Variants in LRRC7 observed in about 807,000 individuals in gnomAD.
The protein encoded by LRRC7 is leucine-rich repeat-containing protein 7.
A neutral mutation model predicts 175.7 loss-of-function variants in LRRC7; 23 were observed. The ratio of observed to expected loss-of-function variants is 0.13; its 90% CI spans 0.09 to 0.19. LRRC7 has a LOEUF of 0.19. LRRC7 is among the 10% of genes least tolerant of loss of function. LRRC7 has a pLI of 1.00. For missense variants in LRRC7, 1,354 were observed against 1,904.7 expected (o/e 0.71, Z 5.38); for synonymous variants, 685 against 680.9 (o/e 1.01, Z -0.09).
intron 1 of LRRC7, among the ~76,000 whole-genome samples, chr1:69,579,067 T>C (rs932810517): frequency 3.3e-5 from 5 of 152,124 alleles, no homozygotes; most frequent in Admixed American, 6.6e-5. Flanking sequence ...TGCTTAACAA[T>C]GGAAACAATA....
chr1:69,968,745 C>CTT (rs975941684), intron 8 of LRRC7, among the ~76,000 whole-genome samples: 7 of 152,292 alleles, frequency 4.6e-5, no homozygotes, highest in Admixed American at 2.6e-4. Flanking sequence ...GAATTCACCA[C>CTT]TCTCAAGCCA....
chr1:70,050,950 C>T (rs77723797), intron 22 of LRRC7, among the ~76,000 whole-genome samples: 19,470 of 151,896 alleles, frequency 0.13, 1,714 homozygotes, highest in African/African-American at 0.24. Context: ...TTTAATTTTG[C>T]TACCTAGTGA....
At chr1:69,978,932 GAAAAA>G (rs3069189) in intron 8 of LRRC7, among the ~76,000 whole-genome samples, 1 of 126,146 alleles carries the variant, frequency 7.9e-6, no homozygotes, top group Non-Finnish European at 1.7e-5. Context: ...GTTTCAGTTA[GAAAAA>G]AAAAAAAAAA....
intron 18 of LRRC7, among the ~76,000 whole-genome samples, chr1:70,032,758 T>G (rs1403732793): frequency 6.6e-6 from 1 of 152,194 alleles, no homozygotes; most frequent in Non-Finnish European, 1.5e-5. Context: ...AAGCTTGCTT[T>G]CTTTCCTTTG....
At chr1:70,041,495 G>A (rs1659890605) in intron 21 of LRRC7, among the ~76,000 whole-genome samples, 1 of 152,192 alleles carries the variant, frequency 6.6e-6, no homozygotes, top group African/African-American at 2.4e-5. Flanking sequence ...CTGGTCGGTT[G>A]TCACCATGCC....
At chr1:69,964,221 C>T (rs548806309) in intron 8 of LRRC7, among the ~76,000 whole-genome samples, 1 of 152,296 alleles carries the variant, frequency 6.6e-6, no homozygotes, top group South Asian at 2.1e-4. Context: ...GTCCATTGAG[C>T]ATTGAGCACT....
In LRRC7 at chr1:70,038,992, A is replaced by G. The variant is rs139621463; in HGVS notation, c.3168A>G (p.Gln1056=). Reference sequence around the variant, plus strand: ...ACGGAAGTAGTAAGGGGCCACAACAACAAAAAGCTTCTATGACAAAAAAAG... The same window carrying G: ...ACGGAAGTAGTAAGGGGCCACAACAGCAAAAAGCTTCTATGACAAAAAAAG... ...LTYGSSKGPQ[Q]QKASMTKKVY... Residue 1056 remains glutamine, a synonymous_variant, in exon 21 of 27, where the codon CAA becomes CAG. Transcript: ENST00000651989. 200 of 1,613,894 alleles carry G rather than the reference A, an allele frequency of 1.2e-4. No homozygotes were observed. The highest frequency in any genetic ancestry group is 1.6e-4 in the Non-Finnish European group (187 of 1,179,998).
In LRRC7 at chr1:69,760,349, G is replaced by C. The variant is rs745493022; in HGVS notation, c.259G>C (p.Glu87Gln). The change falls in exon 3 of 27, where the codon GAG becomes CAG. Residue 87 changes from glutamate (E) to glutamine (Q), a missense_variant. Glu to Gln is a conservative substitution (Grantham distance 29). This residue lies in a region of LRRC7 where 201 missense variants were observed against 481.4 expected (regional missense o/e 0.42). Coordinates refer to ENST00000651989, the MANE Select transcript of LRRC7 (RefSeq NM_001370785.2). ...GGTCTTTAACTTCGAACGAACATTA[G>C]AGGAGCTTTATCTAGATGCCAATCA... ...KEVFNFERTL[E>Q]ELYLDANQIE... is the part of the protein sequence containing the mutation. The C allele has an allele frequency of 5.0e-6, 8 of 1,612,802 alleles. No individual in the cohort carries two copies. The highest frequency in any genetic ancestry group is 6.8e-6 in the Non-Finnish European group (8 of 1,179,224).
intron 7 of LRRC7, among the ~76,000 whole-genome samples, chr1:69,929,062 T>A (rs1647185981): frequency 6.6e-6 from 1 of 152,210 alleles, no homozygotes; most frequent in Non-Finnish European, 1.5e-5. Context: ...GTTCTTCATA[T>A]CCATTCAGAC....
intron 4 of LRRC7, among the ~76,000 whole-genome samples, chr1:69,819,487 A>T (rs528667974): frequency 1.3e-5 from 2 of 151,488 alleles, no homozygotes. Context: ...CCTTGCATAT[A>T]ATCTTCCTGC....
chr1:69,739,155 A>G (rs1248226477), intron 2 of LRRC7, among the ~76,000 whole-genome samples: 2 of 152,084 alleles, frequency 1.3e-5, no homozygotes, highest in African/African-American at 4.8e-5. Context: ...TTATGCATAA[A>G]GGACATAGAG....
At chr1:70,062,202 G>C (rs1661632860) in intron 23 of LRRC7, among the ~76,000 whole-genome samples, 1 of 151,924 alleles carries the variant, frequency 6.6e-6, no homozygotes, top group African/African-American at 2.4e-5. Flanking sequence ...AACTTGTTTT[G>C]GTATGGTCTT....
chr1:69,906,967 G>A (rs898860898), intron 7 of LRRC7, among the ~76,000 whole-genome samples: 8 of 151,826 alleles, frequency 5.3e-5, no homozygotes, highest in African/African-American at 1.9e-4. Context: ...CCTTGAAGAG[G>A]TCCTTCACAT....
chr1:69,664,790 C>T (rs1254144261), intron 1 of LRRC7, among the ~76,000 whole-genome samples: 1 of 152,128 alleles, frequency 6.6e-6, no homozygotes, highest in East Asian at 1.9e-4. Flanking sequence ...CTTTGCTGTG[C>T]AGAAACTTTT....
intron 3 of LRRC7, among the ~76,000 whole-genome samples, chr1:69,782,714 C>T (rs901029660): frequency 3.9e-5 from 6 of 152,092 alleles, no homozygotes; most frequent in African/African-American, 1.4e-4. Context: ...CAGACAACTA[C>T]TGAAAAATTA....
intron 1 of LRRC7, among the ~76,000 whole-genome samples, chr1:69,630,209 A>G (rs1401975116): frequency 1.3e-5 from 2 of 152,150 alleles, no homozygotes; most frequent in African/African-American, 4.8e-5. Context: ...ATAGCAAACA[A>G]CTTTGGATGT....
At chr1:69,919,308 G>C (rs952483625) in intron 7 of LRRC7, 4 of 552,608 alleles carry the variant, frequency 7.2e-6, no homozygotes, top group Non-Finnish European at 1.3e-5. Flanking sequence ...AAATATGACC[G>C]TGTTCCAATA....
intron 2 of LRRC7, among the ~76,000 whole-genome samples, chr1:69,699,683 G>A (rs1400789165): frequency 1.3e-5 from 2 of 150,330 alleles, no homozygotes; most frequent in Non-Finnish European, 2.9e-5. Flanking sequence ...TGGGGTTCAC[G>A]TGTCCCTCCA....
intron 1 of LRRC7, among the ~76,000 whole-genome samples, chr1:69,653,458 GT>G (rs981503423): frequency 6.6e-6 from 1 of 151,700 alleles, no homozygotes; most frequent in African/African-American, 2.4e-5. Context: ...GTCATAATCA[GT>G]TTTTTTAAGT....
Sources: allele counts gnomAD v4.1 joint callset (sites outside exome capture counted in the v4.1 genomes callset), GRCh38; gene constraint gnomAD v4.1.1; regional missense constraint gnomAD v4.1.1; transcripts MANE v1.5; gene names NCBI Gene and HGNC (gene_info 2026-07-23, HGNC 2026-07-21).